MSL3: variants seen among roughly 807,000 people sequenced by gnomAD.
MSL3 encodes the protein MSL3-like 1.
MSL3 carries 5 observed loss-of-function variants against 37.2 expected under a neutral mutation model. That is an observed-to-expected ratio of 0.13 (90% CI 0.07 to 0.28). MSL3 has a LOEUF of 0.28. MSL3 is among the 10% of genes least tolerant of loss of function. MSL3 has a pLI of 1.00. For synonymous variants in MSL3, 149 were observed against 147.6 expected, an observed-to-expected ratio of 1.01 and a Z score of -0.07; for missense variants, 315 against 408.5, an observed-to-expected ratio of 0.77 and a Z score of 1.97.
At chrX:11,758,178 C>G, upstream of MSL3, 2 of 163,429 alleles carry the variant, frequency 1.2e-5, no homozygotes, top group Non-Finnish European at 1.1e-5. Context: ...CCGGCCACGG[C>G]GCACCGCCTC....
intron 8 of MSL3, 39 bp downstream of exon 8, chrX:11,763,977 G>T (rs1453271436): frequency 3.6e-6 from 4 of 1,111,872 alleles, no homozygotes; most frequent in African/African-American, 3.6e-5. Flanking sequence ...TCACATGTCA[G>T]CAGTACAATG....
At chrX:11,766,749 A>C in intron 9 of MSL3, 1 of 754,838 alleles carries the variant, frequency 1.3e-6, no homozygotes, top group Non-Finnish European at 1.6e-6. Context: ...GAGCTACGCC[A>C]GCAGGCGCCA....
chrX:11,772,733 C>T, intron 12 of MSL3, 28 bp downstream of exon 12: 2 of 956,395 alleles, frequency 2.1e-6, no homozygotes, highest in Non-Finnish European at 1.5e-6. Flanking sequence ...TCAAAACTTA[C>T]ACCTGTTGCC....
intron 1 of MSL3, chrX:11,758,923 T>TG: frequency 3.8e-6 from 2 of 533,184 alleles, no homozygotes; most frequent in Non-Finnish European, 5.9e-6. Flanking sequence ...CCCAGGGCCT[T>TG]GCAGCATTTA....
chrX:11,774,840 A>G, intron 12 of MSL3, 140 bp from the exon 13 acceptor site: 1 of 462,275 alleles, frequency 2.2e-6, no homozygotes, highest in Non-Finnish European at 3.8e-6. Context: ...TAATCAGTAT[A>G]GAGAGATCAA....
intron 9 of MSL3, 104 bp from the exon 10 acceptor site, chrX:11,768,469 T>C (rs2053204815): frequency 1.9e-6 from 1 of 528,998 alleles, no homozygotes; most frequent in African/African-American, 2.3e-5. Context: ...AGGTTGGTAA[T>C]TTCTGAGAAC....
intron 9 of MSL3, chrX:11,767,845 A>C: frequency 1.3e-6 from 1 of 745,438 alleles, no homozygotes; most frequent in Non-Finnish European, 1.6e-6. Flanking sequence ...CATTTCATAT[A>C]AATGGAATCA....
intron 9 of MSL3, chrX:11,768,356 T>A (rs2053203850): frequency 3.0e-6 from 1 of 335,037 alleles, no homozygotes. Context: ...AAGCATAGTC[T>A]TTTAAGGTTC....
Position 11,761,384 on chromosome X carries a change from C to A in MSL3, c.383-116C>A, listed in dbSNP as rs2053131060. 7.2e-6 allele frequency: 3 copies of A among 417,766 alleles called. No individual in the cohort carries two copies. In the South Asian group the frequency reaches 1.7e-4, roughly 24 times the overall value. 34.4% of individuals were successfully genotyped at this position (417,766 alleles called of 1,213,427 possible). ...TATTTGTGTTTGGCATTTAAAAATACATGGAATTGCAGTTTATTATTTCCA... is the reference window on the plus strand; with the variant it reads ...TATTTGTGTTTGGCATTTAAAAATAAATGGAATTGCAGTTTATTATTTCCA... On this transcript the variant is annotated intron_variant, in intron 4 of 12. Transcript: ENST00000312196.
intron 7 of MSL3, 117 bp from the exon 8 acceptor site, chrX:11,763,663 T>C: frequency 1.9e-6 from 1 of 515,176 alleles, no homozygotes; most frequent in East Asian, 3.5e-5. Flanking sequence ...TGTATGTAGG[T>C]GTAGTATATA....
chrX:11,763,962 C>T (rs1172369163), intron 8 of MSL3, 24 bp downstream of exon 8: 1 of 1,168,507 alleles, frequency 8.6e-7, no homozygotes, highest in East Asian at 3.0e-5. Flanking sequence ...CCTGCACTTT[C>T]ACCCTCACAT....
intron 4 of MSL3, 93 bp downstream of exon 4, chrX:11,761,030 A>G (rs2053127578): frequency 1.6e-6 from 1 of 619,011 alleles, no homozygotes; most frequent in African/African-American, 2.3e-5. Flanking sequence ...GAAACACTTC[A>G]AGCTCATTAT....
chrX:11,761,420 C>A, intron 4 of MSL3, 80 bp from the exon 5 acceptor site: 1 of 551,716 alleles, frequency 1.8e-6, no homozygotes, highest in Non-Finnish European at 2.9e-6. Flanking sequence ...GTAGCACCCA[C>A]ACTACACGTG....
intron 8 of MSL3, among the ~76,000 whole-genome samples, chrX:11,765,145 A>C (rs7055533): frequency 0.24 from 26,268 of 111,650 alleles, 3,040 homozygotes; most frequent in African/African-American, 0.46. Context: ...TGTTTAGCAG[A>C]ATTAGTGGCC....
Position 11,762,176 on chromosome X carries a change from C to G in MSL3, c.512C>G (p.Thr171Arg), listed in dbSNP as rs748614119. The stretch of plus-strand genomic sequence containing the variant: ...ACAAGAAGGGAAATGGAAGAAAGAA[C>G]AATAACTATAGAAATCCCTGAAGTT... Reference protein sequence around the residue: ...LQTRREMEERTITIEIPEVLK... With the variant: ...LQTRREMEERRITIEIPEVLK... Residue 171 changes from threonine to arginine, a missense_variant, in exon 6 of 13, where the codon ACA (threonine) becomes AGA (arginine). Transcript: ENST00000312196. 1.3e-5 allele frequency: 15 copies of G among 1,159,812 alleles called. No individual in the cohort carries two copies. The highest frequency in any genetic ancestry group is 1.7e-5 in the Non-Finnish European group (15 of 867,093).
intron 11 of MSL3, 53 bp from the exon 12 acceptor site, chrX:11,772,568 G>A: frequency 1.2e-6 from 1 of 851,109 alleles, no homozygotes; most frequent in African/African-American, 2.0e-5. Context: ...TGAATCCTAT[G>A]CATTGTCAGA....
At position 11,759,884 on chromosome X, in the gene MSL3, A is replaced by G; in HGVS notation, c.185+9A>G. ...AATGGTTGGAACAGAAGGTGAGTGA[A>G]CTTGTTAAACCAGACTGAAAATTGA... On this transcript the variant is annotated intron_variant, in intron 2 of 12. Transcript: ENST00000312196. 8.3e-7 allele frequency: 1 copy of G among 1,208,475 alleles called. No individual in the cohort carries two copies. Among genetic ancestry groups the G allele is most frequent in the East Asian group, 3.0e-5 (1 of 33,822 alleles).
At chrX:11,769,313 G>C (rs754060826) in intron 10 of MSL3, among the ~76,000 whole-genome samples, 1 of 112,106 alleles carries the variant, frequency 8.9e-6, no homozygotes, top group Admixed American at 9.4e-5. Context: ...GTCCCTTCAG[G>C]GATGGGCTCT....
intron 12 of MSL3, among the ~76,000 whole-genome samples, chrX:11,773,773 T>C (rs761906132): frequency 1.8e-5 from 2 of 112,191 alleles, no homozygotes; most frequent in Non-Finnish European, 3.8e-5. Context: ...AGGAAGTAAC[T>C]TAGGAGGACT....
Sources: gnomAD v4.1 joint callset for allele counts (sites outside exome capture counted in the v4.1 genomes callset) on GRCh38, gnomAD v4.1.1 for gene constraint, MANE v1.5 for transcripts, NCBI Gene and HGNC (gene_info 2026-07-23, HGNC 2026-07-21) for gene names.